Variants in CSPP1 observed in about 807,000 individuals in gnomAD.
CSPP1 encodes centrosome and spindle pole associated protein 1, also known as centrosome and spindle pole-associated protein 1.
CSPP1 carries 126 observed loss-of-function variants against 164.4 expected under a neutral mutation model. That is an observed-to-expected ratio of 0.77 (90% CI 0.66 to 0.89). CSPP1 has a LOEUF of 0.89. CSPP1 is among the 40% of genes least tolerant of loss of function. The pLI, the probability that CSPP1 is intolerant of heterozygous loss-of-function variation, is 0.00. For synonymous variants in CSPP1, 472 were observed against 476.7 expected (o/e 0.99, Z 0.13); for missense variants, 1,395 against 1,449.8 (o/e 0.96, Z 0.61).
chr8:67,093,677 C>T (rs926467448), intron 6 of CSPP1, 36 bp downstream of exon 6: 3 of 1,112,374 alleles, frequency 2.7e-6, no homozygotes, highest in African/African-American at 3.1e-5. Flanking sequence ...TGTACTACTA[C>T]TACCACAGGT....
chr8:67,123,769 G>A (rs906512959), intron 15 of CSPP1, among the ~76,000 whole-genome samples: 1 of 151,556 alleles, frequency 6.6e-6, no homozygotes, highest in East Asian at 1.9e-4. Flanking sequence ...ATGCCACCAC[G>A]CCTGGCTAAA....
chr8:67,132,675 A>G (rs1235166832), intron 16 of CSPP1, among the ~76,000 whole-genome samples: 2 of 152,160 alleles, frequency 1.3e-5, no homozygotes, highest in Non-Finnish European at 2.9e-5. Flanking sequence ...GGTTTCATTG[A>G]CAGGACTCAG....
At chr8:67,144,764 T>C (rs527840401) in intron 17 of CSPP1, among the ~76,000 whole-genome samples, 1 of 152,232 alleles carries the variant, frequency 6.6e-6, no homozygotes, top group South Asian at 2.1e-4. Context: ...ATGTTTTTTC[T>C]GTGTTTAGAA....
At position 67,164,488 on chromosome 8, in the gene CSPP1, T is replaced by C. The variant is rs17852120; in HGVS notation, c.2808T>C (p.Ser936=). 3.2e-6 allele frequency: 5 copies of C among 1,565,700 alleles called. No individual in the cohort carries two copies. Among genetic ancestry groups the C allele is most frequent in the South Asian group, 1.1e-5 (1 of 89,156 alleles). The part of the protein sequence containing the change: ...RLQERLLHMD[S]DDEIPIRKKE... The stretch of plus-strand genomic sequence containing the variant: ...AAGAGCGATTGCTACACATGGACAG[T>C]GATGATGAAATTCCTATCAGGCAAG... Residue 936 remains serine, a synonymous_variant, in exon 24 of 31, where the codon AGT becomes AGC. Coordinates refer to ENST00000678616, the MANE Select transcript of CSPP1 (RefSeq NM_001382391.1).
At chr8:67,187,015 A>ATCTATCTATCT (rs1554622825) in intron 28 of CSPP1, among the ~76,000 whole-genome samples, 1 of 142,976 alleles carries the variant, frequency 7.0e-6, no homozygotes, top group African/African-American at 2.6e-5. Context: ...CTATCTATCT[A>ATCTATCTATCT]ATCTATCTAT....
chr8:67,151,951 G>T (rs989339721), intron 18 of CSPP1, among the ~76,000 whole-genome samples: 1 of 151,676 alleles, frequency 6.6e-6, no homozygotes, highest in Non-Finnish European at 1.5e-5. Flanking sequence ...AGCTGGGCGT[G>T]GTGGCATGTG....
At position 67,076,561 on chromosome 8, in the gene CSPP1, A is replaced by G; in HGVS notation, c.179A>G (p.Gln60Arg). ...AAGGAAAACATACCACCAAATAGTC[A>G]ACAGACCAGGGGTTCCTTAGGTATG... is the stretch of plus-strand genomic sequence containing the variant. ...MAKENIPPNS[Q>R]QTRGSLGIDY... The change falls in exon 3 of 31, where the codon CAA (glutamine) becomes CGA (arginine). Residue 60 changes from glutamine to arginine, a missense_variant. Gln to Arg is a conservative substitution (Grantham distance 43). Transcript: ENST00000678616. The G allele has an allele frequency of 6.3e-7, 1 of 1,596,468 alleles. No homozygotes were observed. The highest frequency in any genetic ancestry group is 8.5e-7 in the Non-Finnish European group (1 of 1,170,404).
chr8:67,156,288 G>A (rs1826659031), intron 19 of CSPP1, among the ~76,000 whole-genome samples: 1 of 151,810 alleles, frequency 6.6e-6, no homozygotes, highest in South Asian at 2.1e-4. Context: ...CAAATTGTGA[G>A]GCCATTGCTT....
At chr8:67,164,285 GTC>G (rs1828904139) in intron 23 of CSPP1, 104 bp from the exon 24 acceptor site, 1 of 611,556 alleles carries the variant, frequency 1.6e-6, no homozygotes, top group East Asian at 2.6e-5. Context: ...TCATAAAATT[GTC>G]TCTCTGAGCA....
chr8:67,173,903 T>C (rs2129567928), intron 25 of CSPP1: 1 of 152,348 alleles, frequency 6.6e-6, no homozygotes, highest in Middle Eastern at 3.4e-3. Flanking sequence ...CATGTGTATA[T>C]AGATTGGCCA....
rs1586248621 is a variant in CSPP1, at chr8:67,118,361, T to C, written c.1610T>C (p.Leu537Pro). Reference protein sequence around the residue: ...YGSRNTFDPSLAYYGSGMMGV... With the variant: ...YGSRNTFDPSPAYYGSGMMGV... Reference sequence around the variant, plus strand: ...TCCAGGAATACTTTCGATCCCAGTCTTGCTTATTGTAAGTTATCTATAGGG... The same window carrying C: ...TCCAGGAATACTTTCGATCCCAGTCCTGCTTATTGTAAGTTATCTATAGGG... Residue 537 changes from leucine (L) to proline (P), a missense_variant, in exon 14 of 31, where the codon CTT (leucine) becomes CCT (proline). Transcript: ENST00000678616. 1 of 1,613,710 alleles carries C rather than the reference T, an allele frequency of 6.2e-7. No individual in the cohort carries two copies. The highest frequency in any genetic ancestry group is 2.2e-5 in the East Asian group (1 of 44,840).
intron 16 of CSPP1, among the ~76,000 whole-genome samples, chr8:67,136,384 T>C (rs936671518): frequency 6.6e-6 from 1 of 151,770 alleles, no homozygotes; most frequent in African/African-American, 2.4e-5. Context: ...TCCTGGCTAA[T>C]GCGGTGAAAC....
intron 24 of CSPP1, among the ~76,000 whole-genome samples, chr8:67,169,538 C>T (rs1448060634): frequency 6.6e-6 from 1 of 152,048 alleles, no homozygotes; most frequent in Non-Finnish European, 1.5e-5. Context: ...CTCCCGGGTT[C>T]AAGTGTTTCT....
At chr8:67,110,155 G>A (rs1427282434) in intron 9 of CSPP1, among the ~76,000 whole-genome samples, 5 of 144,144 alleles carry the variant, frequency 3.5e-5, no homozygotes, top group African/African-American at 1.1e-4. Flanking sequence ...TATCTGTCCA[G>A]GTGCAGTCTG....
intron 17 of CSPP1, among the ~76,000 whole-genome samples, chr8:67,141,598 T>C (rs1823509206): frequency 6.6e-6 from 1 of 152,252 alleles, no homozygotes; most frequent in South Asian, 2.1e-4. Context: ...CTCAGTTCAC[T>C]GCAACCTCTG....
At position 67,086,076 on chromosome 8, in the gene CSPP1, A is replaced by G; in HGVS notation, c.269A>G (p.Glu90Gly). ...CGGAAGAAACATAAATTAAAAGAAG[A>G]ATTGCGGCAAGATTACAGACGTTAT... Reference protein sequence around the residue: ...YERKKHKLKEELRQDYRRYLT... With the variant: ...YERKKHKLKEGLRQDYRRYLT... Residue 90 changes from glutamate to glycine, a missense_variant, in exon 4 of 31, where the codon GAA (glutamate) becomes GGA (glycine). Glu to Gly is a moderately conservative substitution (Grantham distance 98). Coordinates refer to ENST00000678616, the MANE Select transcript of CSPP1 (RefSeq NM_001382391.1). 1.3e-6 allele frequency: 2 copies of G among 1,506,748 alleles called. No homozygotes were observed. The highest frequency in any genetic ancestry group is 1.8e-6 in the Non-Finnish European group (2 of 1,082,394). The allele number at this position is 1,506,748 out of a possible 1,614,324, so 93.3% of individuals were successfully genotyped here. A position where few individuals can be genotyped will look rare whatever the true frequency, so the allele number is the denominator to read the frequency against.
rs181079660 is a variant in CSPP1, at chr8:67,193,590, C to T, written c.3457C>T (p.Pro1153Ser). The T allele has an allele frequency of 7.6e-5, 123 of 1,613,210 alleles. No individual in the cohort carries two copies. Among genetic ancestry groups the T allele is most frequent in the Middle Eastern group, 6.6e-4 (4 of 6,056 alleles). Reference sequence around the variant, plus strand: ...AAGACTGAATGAATTTCACAATAAACCTATTAATACAGGTAAATGACCAAG... The same window carrying T: ...AAGACTGAATGAATTTCACAATAAATCTATTAATACAGGTAAATGACCAAG... Reference protein sequence around the residue: ...MRRLNEFHNKPINTDDESSLV... With the variant: ...MRRLNEFHNKSINTDDESSLV... Residue 1153 changes from proline to serine, a missense_variant, in exon 30 of 31, where the codon CCT becomes TCT. Transcript: ENST00000678616.
At chr8:67,183,676 A>G (rs1157587635) in intron 28 of CSPP1, among the ~76,000 whole-genome samples, 2 of 152,136 alleles carry the variant, frequency 1.3e-5, no homozygotes, top group Admixed American at 1.3e-4. Context: ...CTACTTTCCT[A>G]ATGTATGCAT....
chr8:67,095,945 T>G (rs1451543352), intron 7 of CSPP1, among the ~76,000 whole-genome samples: 1 of 152,040 alleles, frequency 6.6e-6, no homozygotes, highest in African/African-American at 2.4e-5. Context: ...TGTTGTAAAG[T>G]TGGAAAACTG....
Sources: gnomAD v4.1 joint callset for allele counts (sites outside exome capture counted in the v4.1 genomes callset) on GRCh38, gnomAD v4.1.1 for gene constraint, MANE v1.5 for transcripts, NCBI Gene and HGNC (gene_info 2026-07-23, HGNC 2026-07-21) for gene names.